Variants in MED14 observed in about 807,000 individuals in gnomAD.
MED14 encodes mediator complex subunit 14.
A neutral mutation model predicts 109.0 loss-of-function variants in MED14; 8 were observed. The ratio of observed to expected loss-of-function variants is 0.07; its 90% CI spans 0.04 to 0.13. The LOEUF (loss-of-function observed/expected upper bound fraction) is 0.13, where lower values mean the gene tolerates loss of function less well. MED14 is among the 10% of genes least tolerant of loss of function. The pLI is 1.00. For synonymous variants in MED14, 399 were observed against 408.7 expected (o/e 0.98, Z 0.29); for missense variants, 711 against 1,142.4 (o/e 0.62, Z 5.44).
At chrX:40,652,033 C>T (rs1928898447) in intron 30 of MED14, among the ~76,000 whole-genome samples, 154 bp from the exon 31 acceptor site, 1 of 112,210 alleles carries the variant, frequency 8.9e-6, no homozygotes, top group Admixed American at 9.4e-5. Context: ...GGGGATTAAG[C>T]TGTGGTGTTA....
chrX:40,657,728 C>G (rs73469380), intron 28 of MED14, among the ~76,000 whole-genome samples: 1 of 112,189 alleles, frequency 8.9e-6, no homozygotes, highest in Non-Finnish European at 1.9e-5. Flanking sequence ...ATATTCAGTG[C>G]TCTGAAGGCA....
At chrX:40,697,527 C>T (rs948947239) in intron 12 of MED14, among the ~76,000 whole-genome samples, 3 of 111,724 alleles carry the variant, frequency 2.7e-5, no homozygotes, top group African/African-American at 9.8e-5. Flanking sequence ...CTTTATATAG[C>T]CCCAGTTTTT....
Position 40,650,522 on chromosome X carries a change from A to G in MED14, c.*1284T>C. The G allele has an allele frequency of 1.3e-6, 1 of 754,216 alleles. No individual in the cohort carries two copies. The highest frequency in any genetic ancestry group is 1.6e-6 in the Non-Finnish European group (1 of 639,288). The allele number at this position is 754,216 out of a possible 1,213,427, so 62.2% of individuals were successfully genotyped here. ...ATTATCACTTAAAAATTTTTCCTAA[A>G]TACCATGAAGTCGGTAGAAGACCTT... On this transcript the variant is annotated 3_prime_UTR_variant, in exon 31 of 31. Coordinates refer to ENST00000324817, the MANE Select transcript of MED14 (RefSeq NM_004229.4).
At chrX:40,728,955 C>T (rs1931988388) in intron 2 of MED14, among the ~76,000 whole-genome samples, 2 of 110,854 alleles carry the variant, frequency 1.8e-5, no homozygotes, top group African/African-American at 6.6e-5. Context: ...GTAGCTGGGA[C>T]TACAGGCGCC....
intron 10 of MED14, among the ~76,000 whole-genome samples, chrX:40,704,196 C>T (rs1227377072): frequency 8.9e-6 from 1 of 112,119 alleles, no homozygotes; most frequent in Non-Finnish European, 1.9e-5. Flanking sequence ...TATGCCTGAT[C>T]TAGAGTTTCA....
At chrX:40,729,434 T>A (rs1932008256) in intron 1 of MED14, 89 bp from the exon 2 acceptor site, 1 of 926,233 alleles carries the variant, frequency 1.1e-6, no homozygotes, top group Non-Finnish European at 1.5e-6. Context: ...ATTAAATACG[T>A]TAATGTTTCA....
intron 10 of MED14, among the ~76,000 whole-genome samples, chrX:40,705,126 T>C (rs774061849): frequency 8.9e-6 from 1 of 112,492 alleles, no homozygotes; most frequent in East Asian, 2.8e-4. Flanking sequence ...TCTTTTACCA[T>C]ATAATTCAGA....
In MED14 at chrX:40,671,484, G is replaced by A. The variant is rs376671192; in HGVS notation, c.3133+377C>T. Among the ~76,000 whole-genome samples, 88 of 112,044 alleles carry A rather than the reference G, an allele frequency of 7.9e-4. No individual in the cohort carries two copies. In the South Asian group the frequency reaches 0.031, roughly 40 times the overall value. ...CTGTCGTAGTGGGAAAGCAGCCATA[G>A]ACATTATATAAACAAGTGTGGCTTC... On this transcript the variant is annotated intron_variant, in intron 23 of 30. Transcript: ENST00000324817.
chrX:40,713,043 C>CTT lies in MED14; in HGVS notation c.653-3_653-2dup. 8.6e-7 allele frequency: 1 copy of CTT among 1,156,615 alleles called. No homozygotes were observed. Among genetic ancestry groups the CTT allele is most frequent in the Non-Finnish European group, 1.2e-6 (1 of 863,230 alleles). ...ACACGAAACTTCACCCGGCCATTTG[C>CTT]TTTTAGAAGAAAAAGATGAAGAAAA... On this transcript the variant is annotated splice_acceptor_variant, in intron 5 of 30. Transcript: ENST00000324817. LOFTEE classifies it high-confidence loss of function.
chrX:40,714,052 C>A (rs1470664066), intron 4 of MED14, 145 bp from the exon 5 acceptor site: 1 of 570,829 alleles, frequency 1.8e-6, no homozygotes. Context: ...AAAACAATGG[C>A]CATTACTATC....
intron 15 of MED14, among the ~76,000 whole-genome samples, chrX:40,689,698 A>G (rs967585533): frequency 9.0e-6 from 1 of 111,472 alleles, no homozygotes; most frequent in East Asian, 2.8e-4. Flanking sequence ...TTTCAAAAAA[A>G]AAAAAGATAT....
intron 3 of MED14, among the ~76,000 whole-genome samples, chrX:40,718,878 T>C (rs1255731611): frequency 9.0e-6 from 1 of 111,482 alleles, no homozygotes; most frequent in Non-Finnish European, 1.9e-5. Flanking sequence ...GAGTTTTGAG[T>C]AACTGATTAG....
At chrX:40,664,106 C>T (rs1223312132) in intron 25 of MED14, among the ~76,000 whole-genome samples, 1 of 110,439 alleles carries the variant, frequency 9.1e-6, no homozygotes. Context: ...GGAGAACTTC[C>T]AGATAGGCAA....
intron 13 of MED14, among the ~76,000 whole-genome samples, chrX:40,693,782 C>A (rs1257388864): frequency 9.0e-6 from 1 of 111,594 alleles, no homozygotes; most frequent in East Asian, 2.8e-4. Flanking sequence ...AATATGGTCA[C>A]TGTGAGGGTA....
intron 23 of MED14, among the ~76,000 whole-genome samples, chrX:40,670,210 C>CA (rs767467555): frequency 1.8e-5 from 2 of 112,008 alleles, no homozygotes; most frequent in Admixed American, 9.4e-5. Context: ...GGCAACAAGA[C>CA]AGATTACAAT....
At chrX:40,727,837 C>T (rs1450761051) in intron 2 of MED14, among the ~76,000 whole-genome samples, 1 of 111,420 alleles carries the variant, frequency 9.0e-6, no homozygotes, top group East Asian at 2.8e-4. Flanking sequence ...TGACGCAATG[C>T]ACCAAAGTAA....
In MED14 at chrX:40,663,156, A is replaced by G. The variant is rs1929347702; in HGVS notation, c.3453T>C (p.Ser1151=). ...ASHSPRAGTS[S]QTMPTNMPPP... is the part of the protein sequence containing the mutation. ...GAGGCATGTTTGTTGGCATTGTTTG[A>G]GAACCTTTTGGGAAGGAAAACATGT... Residue 1151 remains serine, a synonymous_variant, in exon 26 of 31, where the codon TCT becomes TCC. Coordinates refer to ENST00000324817, the MANE Select transcript of MED14 (RefSeq NM_004229.4). 2.5e-6 allele frequency: 3 copies of G among 1,200,205 alleles called. No homozygotes were observed. The highest frequency in any genetic ancestry group is 3.4e-6 in the Non-Finnish European group (3 of 885,510).
intron 26 of MED14, 97 bp from the exon 27 acceptor site, chrX:40,659,704 C>T: frequency 1.2e-6 from 1 of 860,149 alleles, no homozygotes; most frequent in Admixed American, 3.4e-5. Flanking sequence ...TAAGTTGATA[C>T]CTATTCCAAA....
chrX:40,696,375 C>T (rs965763849), intron 13 of MED14, among the ~76,000 whole-genome samples: 7 of 109,442 alleles, frequency 6.4e-5, no homozygotes, highest in East Asian at 2.9e-4. Context: ...CTCCTGACCT[C>T]GTGATCCACC....
Sources: gnomAD v4.1 joint callset for allele counts (sites outside exome capture counted in the v4.1 genomes callset) on GRCh38, gnomAD v4.1.1 for gene constraint, MANE v1.5 for transcripts, NCBI Gene and HGNC (gene_info 2026-07-23, HGNC 2026-07-21) for gene names.